DEUP1: variants seen among roughly 807,000 people sequenced by gnomAD.
The protein encoded by DEUP1 is coiled-coil domain containing 67.
Under a neutral mutation model 87.4 loss-of-function variants are expected in DEUP1, and 82 were observed. The observed-to-expected ratio is 0.94, with a 90% CI of 0.78 to 1.13. The LOEUF (loss-of-function observed/expected upper bound fraction) is 1.13. DEUP1 is among the 50% of genes most tolerant of loss of function. DEUP1 has a pLI of 0.00. For synonymous variants in DEUP1, 214 were observed against 222.7 expected, an observed-to-expected ratio of 0.96 and a Z score of 0.35; for missense variants, 663 against 681.5, an observed-to-expected ratio of 0.97 and a Z score of 0.30.
chr11:93,429,080 A>T (rs1222361264), intron 13 of DEUP1, among the ~76,000 whole-genome samples: 1 of 152,054 alleles, frequency 6.6e-6, no homozygotes, highest in Non-Finnish European at 1.5e-5. Flanking sequence ...TGTCTTTATT[A>T]TTATTGATTT....
At chr11:93,357,904 A>G (rs79442310) in intron 4 of DEUP1, among the ~76,000 whole-genome samples, 13,736 of 152,116 alleles carry the variant, frequency 0.09, 1,585 homozygotes, top group African/African-American at 0.27. Context: ...CTACCTAGAC[A>G]TTTTGCCTAT....
chr11:93,420,716 C>T (rs1246882623), intron 13 of DEUP1, among the ~76,000 whole-genome samples: 1 of 140,720 alleles, frequency 7.1e-6, no homozygotes, highest in African/African-American at 2.7e-5. Context: ...TCAGCAAACT[C>T]TCAGGATACA....
intron 7 of DEUP1, chr11:93,383,440 T>C (rs569827419): frequency 4.8e-5 from 23 of 482,912 alleles, no homozygotes; most frequent in African/African-American, 3.6e-4. Context: ...AGAACATAGA[T>C]TAGTGGTTGC....
chr11:93,336,264 T>G (rs1324473397), intron 2 of DEUP1, among the ~76,000 whole-genome samples: 2 of 151,954 alleles, frequency 1.3e-5, no homozygotes, highest in Non-Finnish European at 2.9e-5. Flanking sequence ...AGGGGGGAGT[T>G]GCATCTCCTG....
intron 11 of DEUP1, among the ~76,000 whole-genome samples, chr11:93,400,265 A>T (rs1947072977): frequency 6.6e-6 from 1 of 152,170 alleles, no homozygotes; most frequent in Non-Finnish European, 1.5e-5. Flanking sequence ...TCCAAATTCA[A>T]GGTGTCAGCA....
chr11:93,420,410 T>G (rs1947838544), intron 13 of DEUP1, among the ~76,000 whole-genome samples: 1 of 152,218 alleles, frequency 6.6e-6, no homozygotes, highest in Admixed American at 6.5e-5. Flanking sequence ...ATGGGACGTA[T>G]CTCAAAATCA....
At chr11:93,387,104 G>A (rs527335378) in intron 8 of DEUP1, among the ~76,000 whole-genome samples, 3 of 152,214 alleles carry the variant, frequency 2.0e-5, no homozygotes, top group South Asian at 2.1e-4. Context: ...CCAGACTACA[G>A]CTTTCTTATC....
intron 11 of DEUP1, among the ~76,000 whole-genome samples, chr11:93,398,032 T>C (rs1227590221): frequency 6.6e-6 from 1 of 152,114 alleles, no homozygotes; most frequent in South Asian, 2.1e-4. Flanking sequence ...TCTACCCGCA[T>C]TATACCCCCT....
intron 9 of DEUP1, 81 bp from the exon 10 acceptor site, chr11:93,394,378 G>A: frequency 9.9e-7 from 1 of 1,010,010 alleles, no homozygotes; most frequent in South Asian, 2.0e-5. Flanking sequence ...AGAATAGAAG[G>A]ACTGAACATG....
chr11:93,409,774 G>C (rs1371465500), intron 12 of DEUP1, among the ~76,000 whole-genome samples: 1 of 152,096 alleles, frequency 6.6e-6, no homozygotes, highest in Non-Finnish European at 1.5e-5. Flanking sequence ...GTTAATAATT[G>C]TAAGATTTTC....
chr11:93,353,499 A>C (rs1414737741), intron 2 of DEUP1, among the ~76,000 whole-genome samples: 4 of 152,210 alleles, frequency 2.6e-5, no homozygotes, highest in African/African-American at 7.2e-5. Flanking sequence ...GCAGTGCCCC[A>C]GTAGGGACTC....
chr11:93,350,027 G>A (rs1180354481), intron 2 of DEUP1, among the ~76,000 whole-genome samples: 1 of 152,184 alleles, frequency 6.6e-6, no homozygotes, highest in Admixed American at 6.5e-5. Context: ...TTGTTTTGAG[G>A]AGTATATTTG....
At chr11:93,373,785 T>A (rs1945892484) in intron 7 of DEUP1, among the ~76,000 whole-genome samples, 1 of 152,004 alleles carries the variant, frequency 6.6e-6, no homozygotes, top group African/African-American at 2.4e-5. Flanking sequence ...TAATGACTTC[T>A]TTTCCTCTGG....
intron 7 of DEUP1, among the ~76,000 whole-genome samples, chr11:93,373,570 C>CAT (rs1445417294): frequency 1.8e-3 from 252 of 142,050 alleles, no homozygotes; most frequent in African/African-American, 5.9e-3. Context: ...GTGTAGTATT[C>CAT]ATATATATAT....
chr11:93,355,487 T>C lies in DEUP1; in HGVS notation c.146T>C (p.Leu49Pro). The C allele has an allele frequency of 1.2e-6, 2 of 1,613,826 alleles. No homozygotes were observed. Among genetic ancestry groups the C allele is most frequent in the Non-Finnish European group, 1.7e-6 (2 of 1,179,816 alleles). Residue 49 changes from leucine (L) to proline (P), a missense_variant, in exon 3 of 14, where the codon CTT (leucine) becomes CCT (proline). By Grantham distance (98) the Leu-to-Pro change is moderately conservative. Coordinates refer to ENST00000298050, the MANE Select transcript of DEUP1 (RefSeq NM_181645.4). ...KMRALETRLD[L>P]RDQELANAQT... ...CGGGCTTTGGAGACACGATTAGATC[T>C]TCGGGATCAAGAATTGGCAAATGCA...
At position 93,437,764 on chromosome 11, in the gene DEUP1, G is replaced by GA. The variant is rs748459189; in HGVS notation, c.*52dup. On this transcript the variant is annotated 3_prime_UTR_variant, in exon 14 of 14. Coordinates refer to ENST00000298050, the MANE Select transcript of DEUP1 (RefSeq NM_181645.4). Reference sequence around the variant, plus strand: ...TGCTTCCCCCCCCCACCCCCGCCAAGAAAAAAAGCTCTGGCAAAATATTTA... The same window carrying GA: ...TGCTTCCCCCCCCCACCCCCGCCAAGAAAAAAAAGCTCTGGCAAAATATTTA... 13 of 897,210 alleles carry GA rather than the reference G, an allele frequency of 1.4e-5. No individual in the cohort carries two copies. In the African/African-American group the frequency reaches 3.0e-4, roughly 21 times the overall value. The allele number at this position is 897,210 out of a possible 1,614,324, so 55.6% of individuals were successfully genotyped here. A position where few individuals can be genotyped will look rare whatever the true frequency, so the allele number is the denominator to read the frequency against.
chr11:93,358,249 T>A (rs1320312422), intron 4 of DEUP1, among the ~76,000 whole-genome samples: 2 of 152,202 alleles, frequency 1.3e-5, no homozygotes, highest in Non-Finnish European at 2.9e-5. Context: ...CTTGGCTTTG[T>A]TTACAGGCAC....
At chr11:93,435,787 G>A (rs1214176148) in intron 13 of DEUP1, among the ~76,000 whole-genome samples, 2 of 152,110 alleles carry the variant, frequency 1.3e-5, no homozygotes, top group Non-Finnish European at 2.9e-5. Flanking sequence ...ACGAGGTCAG[G>A]AGATCGAGAC....
intron 13 of DEUP1, among the ~76,000 whole-genome samples, chr11:93,431,786 AT>A (rs1948115132): frequency 6.6e-6 from 1 of 152,090 alleles, no homozygotes; most frequent in Non-Finnish European, 1.5e-5. Context: ...TTGACAATGA[AT>A]TGTTTATGGG....
Sources: gnomAD v4.1 joint callset for allele counts (sites outside exome capture counted in the v4.1 genomes callset) on GRCh38, gnomAD v4.1.1 for gene constraint, MANE v1.5 for transcripts, NCBI Gene and HGNC (gene_info 2026-07-23, HGNC 2026-07-21) for gene names.